The following FGF12 variants were observed in gnomAD, a reference collection of about 807,000 sequenced individuals.
FGF12 encodes fibroblast growth factor 12B.
Under a neutral mutation model 23.6 loss-of-function variants are expected in FGF12, and 14 were observed. The observed-to-expected ratio is 0.59, with a 90% CI of 0.39 to 0.93. FGF12 has a LOEUF of 0.93. Among genes scored for constraint, FGF12 ranks in the 40% least tolerant of loss-of-function variants. The probability of loss-of-function intolerance (pLI) is 0.00; values close to 1 mark genes in which losing one functional copy is unlikely to be tolerated. For synonymous variants in FGF12, 62 were observed against 77.3 expected (o/e 0.80, Z 1.04); for missense variants, 175 against 217.8 (o/e 0.80, Z 1.24).
chr3:192,293,198 T>A (rs1218710009), intron 4 of FGF12, among the ~76,000 whole-genome samples: 1 of 151,984 alleles, frequency 6.6e-6, no homozygotes, highest in Non-Finnish European at 1.5e-5. Flanking sequence ...TCAATCAAAG[T>A]TTTCTCTGGT....
chr3:192,605,591 T>C (rs1255808592), intron 2 of FGF12, among the ~76,000 whole-genome samples: 1 of 152,122 alleles, frequency 6.6e-6, no homozygotes, highest in Non-Finnish European at 1.5e-5. Context: ...TCACAACTTA[T>C]GCATCCACCA....
chr3:192,292,038 CAT>C lies in FGF12; in HGVS notation c.228+43321_228+43322del, dbSNP rs142525897. Among the ~76,000 whole-genome samples, 1,036 of 152,258 alleles carry C rather than the reference CAT, an allele frequency of 6.8e-3. 9 individuals carry two copies. Among genetic ancestry groups the C allele is most frequent in the African/African-American group, 0.023 (968 of 41,560 alleles). ...ATAATTCCACAATCAAAGCTCAAAA[CAT>C]GTGTTGACACTCAACCAAAATATGA... On this transcript the variant is annotated intron_variant, in intron 4 of 5. Coordinates refer to ENST00000445105, the MANE Select transcript of FGF12 (RefSeq NM_004113.6).
At chr3:192,391,003 G>C (rs1009188269) in intron 2 of FGF12, among the ~76,000 whole-genome samples, 3 of 152,156 alleles carry the variant, frequency 2.0e-5, no homozygotes, top group Non-Finnish European at 2.9e-5. Flanking sequence ...TTGAAAATTT[G>C]GATGAGGAGC....
intron 2 of FGF12, among the ~76,000 whole-genome samples, chr3:192,555,530 C>T (rs1577051676): frequency 6.6e-6 from 1 of 151,582 alleles, no homozygotes; most frequent in East Asian, 1.9e-4. Flanking sequence ...CACCTGTAAC[C>T]CCAACAATTT....
At chr3:192,172,330 A>C (rs553544478) in intron 4 of FGF12, among the ~76,000 whole-genome samples, 1 of 150,430 alleles carries the variant, frequency 6.6e-6, no homozygotes, top group African/African-American at 2.4e-5. Context: ...TGGATGTTGC[A>C]GTGAGCAGAG....
intron 2 of FGF12, among the ~76,000 whole-genome samples, chr3:192,658,915 G>T (rs1385357762): frequency 6.6e-6 from 1 of 152,038 alleles, no homozygotes; most frequent in African/African-American, 2.4e-5. Flanking sequence ...CAGGTGCCAG[G>T]CCCTTTGCAA....
chr3:192,570,229 T>TG (rs1013705533), intron 2 of FGF12, among the ~76,000 whole-genome samples: 7 of 152,130 alleles, frequency 4.6e-5, no homozygotes, highest in South Asian at 2.1e-4. Flanking sequence ...TTGTTTTCCA[T>TG]GGGGGGGAGG....
chr3:192,707,004 C>A (rs921956266), intron 2 of FGF12, among the ~76,000 whole-genome samples: 1 of 152,132 alleles, frequency 6.6e-6, no homozygotes, highest in African/African-American at 2.4e-5. Flanking sequence ...ACAAGACAGT[C>A]ACAGAAATGA....
intron 2 of FGF12, among the ~76,000 whole-genome samples, chr3:192,707,587 A>C (rs967336158): frequency 3.3e-5 from 5 of 151,974 alleles, no homozygotes; most frequent in African/African-American, 1.2e-4. Flanking sequence ...CTCTACTAAA[A>C]ACACAAAAAT....
chr3:192,305,854 GTTTTTTTT>G (rs755560177), intron 4 of FGF12, among the ~76,000 whole-genome samples: 2 of 77,446 alleles, frequency 2.6e-5, no homozygotes, highest in African/African-American at 1.3e-4. Flanking sequence ...CATCTCTCTG[GTTTTTTTT>G]TTTTTTTTTT....
chr3:192,315,877 T>C (rs1416708858), intron 4 of FGF12, among the ~76,000 whole-genome samples: 4 of 152,300 alleles, frequency 2.6e-5, no homozygotes, highest in Non-Finnish European at 5.9e-5. Context: ...GCTTCAGCTT[T>C]TTCAGAACAT....
intron 2 of FGF12, among the ~76,000 whole-genome samples, chr3:192,387,399 A>T (rs556498245): frequency 7.9e-5 from 12 of 152,254 alleles, no homozygotes; most frequent in African/African-American, 2.9e-4. Flanking sequence ...CCTGTCTTCT[A>T]TTTTTTAAGT....
chr3:192,543,412 C>A (rs1048718943), intron 2 of FGF12, among the ~76,000 whole-genome samples: 1 of 152,042 alleles, frequency 6.6e-6, no homozygotes, highest in African/African-American at 2.4e-5. Context: ...ACAATGGGAT[C>A]CCCTCTGGTT....
At chr3:192,599,117 G>A (rs1713990344) in intron 2 of FGF12, among the ~76,000 whole-genome samples, 1 of 151,926 alleles carries the variant, frequency 6.6e-6, no homozygotes, top group African/African-American at 2.4e-5. Flanking sequence ...GTAGGGGGTG[G>A]GGGACTAGGA....
chr3:192,293,543 G>A (rs1194298592), intron 4 of FGF12, among the ~76,000 whole-genome samples: 3 of 152,148 alleles, frequency 2.0e-5, no homozygotes, highest in African/African-American at 4.8e-5. Context: ...TCAAAAAGAA[G>A]TGCCAAATTT....
At chr3:192,453,206 T>C (rs926800308) in intron 2 of FGF12, among the ~76,000 whole-genome samples, 7 of 152,218 alleles carry the variant, frequency 4.6e-5, no homozygotes, top group Non-Finnish European at 1.0e-4. Flanking sequence ...GTGTCTGATA[T>C]ACTTCCAAAC....
At chr3:192,567,984 C>T (rs1299137460) in intron 2 of FGF12, among the ~76,000 whole-genome samples, 1 of 151,878 alleles carries the variant, frequency 6.6e-6, no homozygotes, top group Non-Finnish European at 1.5e-5. Context: ...AGGCACCAGC[C>T]ATCATGCCTG....
intron 2 of FGF12, among the ~76,000 whole-genome samples, chr3:192,610,549 C>T (rs1270052121): frequency 6.6e-6 from 1 of 151,972 alleles, no homozygotes; most frequent in Non-Finnish European, 1.5e-5. Flanking sequence ...TTGCTTTCTG[C>T]CTGGTCTCTT....
Position 192,359,624 on chromosome 3 carries a change from A to G in FGF12, c.124+804T>C, listed in dbSNP as rs542049131. Among the ~76,000 whole-genome samples the G allele has an allele frequency of 5.9e-5, 9 of 152,278 alleles. No individual in the cohort carries two copies. The South Asian group carries it at 1.4e-3, about 25-fold the overall frequency. On this transcript the variant is annotated intron_variant, in intron 3 of 5. Coordinates refer to ENST00000445105, the MANE Select transcript of FGF12 (RefSeq NM_004113.6). Reference sequence around the variant, plus strand: ...AATTTGAAAGATATGACAGCTATCAATCTTGCCTCTGGAGCTTGTATTTGA... The same window carrying G: ...AATTTGAAAGATATGACAGCTATCAGTCTTGCCTCTGGAGCTTGTATTTGA...
Sources: allele counts gnomAD v4.1 joint callset (sites outside exome capture counted in the v4.1 genomes callset), GRCh38; gene constraint gnomAD v4.1.1; transcripts MANE v1.5; gene names NCBI Gene and HGNC (gene_info 2026-07-23, HGNC 2026-07-21).